Variants in CLVS1 observed in about 807,000 individuals in gnomAD.
The protein encoded by CLVS1 is clavesin-1.
CLVS1 carries 10 observed loss-of-function variants against 33.1 expected under a neutral mutation model. The observed-to-expected ratio is 0.30, with a 90% CI of 0.19 to 0.51. CLVS1 has a LOEUF of 0.51. Ranked by LOEUF, CLVS1 falls within the 20% of genes least tolerant of loss-of-function variation. The probability of loss-of-function intolerance (pLI) is 0.97; values close to 1 mark genes in which losing one functional copy is unlikely to be tolerated. For missense variants in CLVS1, 343 were observed against 433.4 expected (o/e 0.79, Z 1.85); for synonymous variants, 163 against 166.1 (o/e 0.98, Z 0.14).
At chr8:61,027,392 G>C in the CLVS1 span, among the ~76,000 whole-genome samples, 7 of 152,078 alleles carry the variant, frequency 4.6e-5, no homozygotes, top group Non-Finnish European at 8.8e-5. Flanking sequence ...ATTTGCTCTG[G>C]GGATTTGGGA....
intron 2 of CLVS1, among the ~76,000 whole-genome samples, chr8:61,275,740 T>C (rs1809550697): frequency 6.6e-6 from 1 of 152,230 alleles, no homozygotes; most frequent in Non-Finnish European, 1.5e-5. Context: ...ATAGCATTTC[T>C]TTCTATAAGC....
At chr8:61,249,314 C>G (rs998236974) in intron 2 of CLVS1, among the ~76,000 whole-genome samples, 1 of 152,176 alleles carries the variant, frequency 6.6e-6, no homozygotes, top group Non-Finnish European at 1.5e-5. Context: ...TTTATCCGGT[C>G]TATCACTGAT....
chr8:61,136,427 T>C (rs1459872322), intron 2 of CLVS1, among the ~76,000 whole-genome samples: 1 of 152,180 alleles, frequency 6.6e-6, no homozygotes, highest in African/African-American at 2.4e-5. Context: ...AGACATGGCA[T>C]CAACCTAAAT....
chr8:61,347,629 TATATATATA>T (rs1563508352), intron 2 of CLVS1, among the ~76,000 whole-genome samples: 23 of 544 alleles, frequency 0.042, no homozygotes, highest in Non-Finnish European at 0.058. Context: ...CATTCCATTA[TATATATATA>T]TATATATATA....
chr8:61,364,835 A>C, intron 2 of CLVS1, among the ~76,000 whole-genome samples: 1 of 152,210 alleles, frequency 6.6e-6, no homozygotes. Flanking sequence ...GGAGTAGGCA[A>C]TTTCCTGAGT....
At chr8:61,327,563 T>C (rs1811429403) in intron 2 of CLVS1, among the ~76,000 whole-genome samples, 1 of 152,224 alleles carries the variant, frequency 6.6e-6, no homozygotes, top group Non-Finnish European at 1.5e-5. Context: ...CAAATGGAGA[T>C]TCAAGTTCAA....
At position 61,267,545 on chromosome 8, in the gene CLVS1, A is replaced by G. The variant is rs116545049; in HGVS notation, c.-151-32132A>G. 9.9e-3 allele frequency among the ~76,000 whole-genome samples: 1,504 copies of G among 152,318 alleles called. 30 individuals are homozygous for G. Among genetic ancestry groups the G allele is most frequent in the African/African-American group, 0.034 (1,395 of 41,560 alleles). ...AGTATTTAGCCAACTATAATTTTAT[A>G]GGGAAAATTATCTTCAGCCTTGAAA... On this transcript the variant is annotated intron_variant, in intron 2 of 2. Transcript: ENST00000522621.
chr8:61,203,287 G>A, intron 2 of CLVS1: 1 of 770,958 alleles, frequency 1.3e-6, no homozygotes, highest in Non-Finnish European at 2.3e-6. Context: ...TGTAACAGTT[G>A]ATATCTGGCT....
chr8:61,172,531 ACAATT>A (rs1200760554), intron 2 of CLVS1, among the ~76,000 whole-genome samples: 9 of 152,212 alleles, frequency 5.9e-5, no homozygotes, highest in Non-Finnish European at 1.0e-4. Flanking sequence ...AATAACATGA[ACAATT>A]CAAGAGTTTT....
At chr8:61,013,747 C>G in the CLVS1 span, among the ~76,000 whole-genome samples, 1 of 152,192 alleles carries the variant, frequency 6.6e-6, no homozygotes, top group Non-Finnish European at 1.5e-5. Flanking sequence ...TGGATTTCCT[C>G]CATGGGGATT....
chr8:61,451,303 G>C (rs1026537164), intron 3 of CLVS1, among the ~76,000 whole-genome samples: 2 of 151,628 alleles, frequency 1.3e-5, no homozygotes, highest in African/African-American at 4.9e-5. Flanking sequence ...CTCATATTTT[G>C]TATTTTTTCA....
rs555938434 is a variant in CLVS1 at position 61,074,589 on chromosome 8, C to T, written c.-243+17359C>T. Among the ~76,000 whole-genome samples, 145 of 151,392 alleles carry T rather than the reference C, an allele frequency of 9.6e-4. 2 individuals are homozygous for T. Among genetic ancestry groups the T allele is most frequent in the African/African-American group, 3.3e-3 (135 of 41,260 alleles). On this transcript the variant is annotated intron_variant, in intron 1 of 2. Transcript: ENST00000522621. The stretch of plus-strand genomic sequence containing the variant: ...GCAGAAAGCTCAACCTATGTCTTTG[C>T]TTTTGTAGATGAGTAAGATCTGTGA...
chr8:61,194,796 A>AT (rs1410868184), intron 2 of CLVS1, among the ~76,000 whole-genome samples: 1 of 151,820 alleles, frequency 6.6e-6, no homozygotes, highest in Non-Finnish European at 1.5e-5. Flanking sequence ...CATATGAAAC[A>AT]TTTTTTAAAA....
chr8:61,099,192 C>T (rs1805404994), intron 1 of CLVS1, among the ~76,000 whole-genome samples: 1 of 152,148 alleles, frequency 6.6e-6, no homozygotes, highest in Non-Finnish European at 1.5e-5. Context: ...GCTAGTTTCA[C>T]ATGGACGTCA....
At chr8:61,150,912 C>T (rs780674674) in intron 2 of CLVS1, among the ~76,000 whole-genome samples, 1 of 152,148 alleles carries the variant, frequency 6.6e-6, no homozygotes, top group African/African-American at 2.4e-5. Context: ...CAAAAAGCTA[C>T]CTGCAGCAGG....
At chr8:61,033,862 C>A in the CLVS1 span, among the ~76,000 whole-genome samples, 1 of 152,218 alleles carries the variant, frequency 6.6e-6, no homozygotes, top group Admixed American at 6.5e-5. Flanking sequence ...TATTGAGAAA[C>A]AAGAGAGACT....
the CLVS1 span, chr8:60,967,673 C>CA: frequency 1.8e-5 from 8 of 455,914 alleles, no homozygotes; most frequent in Admixed American, 1.2e-4. Context: ...CAGACGTTTT[C>CA]AGGCCTCTCC....
chr8:61,114,254 C>G (rs1299325038), intron 1 of CLVS1, among the ~76,000 whole-genome samples: 1 of 152,190 alleles, frequency 6.6e-6, no homozygotes, highest in Non-Finnish European at 1.5e-5. Flanking sequence ...TTTACTCATA[C>G]AAAAGATTCA....
intron 2 of CLVS1, among the ~76,000 whole-genome samples, chr8:61,281,768 A>G (rs758163660): frequency 6.6e-6 from 1 of 152,146 alleles, no homozygotes; most frequent in African/African-American, 2.4e-5. Flanking sequence ...TCTTCAAGGT[A>G]TCCACTTATC....
Sources: allele counts gnomAD v4.1 joint callset (sites outside exome capture counted in the v4.1 genomes callset), GRCh38; gene constraint gnomAD v4.1.1; transcripts MANE v1.5; gene names NCBI Gene and HGNC (gene_info 2026-07-23, HGNC 2026-07-21).